The following KIF24 variants were observed in gnomAD, a reference collection of about 807,000 sequenced individuals.
KIF24 encodes the protein kinesin-like protein KIF24.
KIF24 carries 81 observed loss-of-function variants against 118.9 expected under a neutral mutation model. The observed-to-expected ratio is 0.68, with a 90% CI of 0.57 to 0.82. The LOEUF is 0.82. Among genes scored for constraint, KIF24 ranks in the 40% least tolerant of loss-of-function variants. The pLI is 0.00. For missense variants in KIF24, 1,560 were observed against 1,661.6 expected (o/e 0.94, Z 1.06); for synonymous variants, 599 against 610.0 (o/e 0.98, Z 0.27).
Position 34,257,415 on chromosome 9 carries a change from G to A in KIF24, c.2192C>T (p.Ala731Val), listed in dbSNP as rs755149720. 2 of 1,614,060 alleles carry A rather than the reference G, an allele frequency of 1.2e-6. No homozygotes were observed. Among genetic ancestry groups the A allele is most frequent in the Middle Eastern group, 1.6e-4 (1 of 6,062 alleles). Reference protein sequence around the residue: ...ELSFGNAHHRAEYSQDSQRGT... With the variant: ...ELSFGNAHHRVEYSQDSQRGT... ...CCTCTGGCTGTCTTGACTGTACTCA[G>A]CCCTGTGGTGGGCGTTGCCAAAGGA... The change falls in exon 11 of 13, where the codon GCT (alanine) becomes GTT (valine). Residue 731 changes from alanine (A) to valine (V), a missense_variant. Coordinates refer to ENST00000402558, the MANE Select transcript of KIF24 (RefSeq NM_194313.4).
chr9:34,260,552 G>A (rs1563935419), intron 9 of KIF24, among the ~76,000 whole-genome samples: 1 of 152,072 alleles, frequency 6.6e-6, no homozygotes, highest in Non-Finnish European at 1.5e-5. Flanking sequence ...AGCAGTGTGT[G>A]GTTATCACTG....
intron 9 of KIF24, among the ~76,000 whole-genome samples, chr9:34,262,473 C>CA (rs1404232617): frequency 1.3e-5 from 2 of 150,388 alleles, no homozygotes; most frequent in African/African-American, 4.9e-5. Context: ...ATCCCTAACC[C>CA]AAAAATCTGA....
intron 5 of KIF24, among the ~76,000 whole-genome samples, chr9:34,288,442 G>A (rs1052281587): frequency 6.6e-6 from 1 of 151,776 alleles, no homozygotes; most frequent in Non-Finnish European, 1.5e-5. Context: ...GAGCTGTGGT[G>A]GCACCACTGT....
intron 1 of KIF24, among the ~76,000 whole-genome samples, chr9:34,313,532 A>G (rs1336481354): frequency 1.3e-5 from 2 of 151,672 alleles, no homozygotes; most frequent in African/African-American, 2.4e-5. Flanking sequence ...CTTTGGACTC[A>G]AACTTGTAGG....
chr9:34,256,761 CTAT>C lies in KIF24; in HGVS notation c.2843_2845del (p.Tyr948_Arg949delinsTer). 6.2e-7 allele frequency: 1 copy of C among 1,613,990 alleles called. No homozygotes were observed. The highest frequency in any genetic ancestry group is 8.5e-7 in the Non-Finnish European group (1 of 1,179,886). ...GGAAGAGCCTCCACCTCTTTCCTGT[CTAT>C]ATATGAAATCTACCTGTGAACAGTA... On this transcript the variant is annotated stop_gained and inframe_deletion, in exon 11 of 13. Transcript: ENST00000402558. LOFTEE classifies it high-confidence loss of function.
intron 2 of KIF24, among the ~76,000 whole-genome samples, chr9:34,308,654 A>C (rs904006717): frequency 2.6e-5 from 4 of 152,336 alleles, no homozygotes; most frequent in African/African-American, 7.2e-5. Flanking sequence ...CTAATCATAT[A>C]AAGCTGATCA....
chr9:34,271,344 GAAA>G (rs1563941532), intron 7 of KIF24, among the ~76,000 whole-genome samples: 1 of 80,512 alleles, frequency 1.2e-5, no homozygotes, highest in Middle Eastern at 6.4e-3. Flanking sequence ...AAAAAAAAAA[GAAA>G]AAGAAAAGAA....
At chr9:34,313,480 AATTATTATT>A (rs139096969) in intron 1 of KIF24, among the ~76,000 whole-genome samples, 53 of 148,574 alleles carry the variant, frequency 3.6e-4, no homozygotes, top group Admixed American at 2.4e-3. Flanking sequence ...GTTTTTTAGA[AATTATTATT>A]ATTATTATTA....
At position 34,285,319 on chromosome 9, in the gene KIF24, CTTA is replaced by C. The variant is rs148512367; in HGVS notation, c.1215+1295_1215+1297del. Among the ~76,000 whole-genome samples, 83 of 152,258 alleles carry C rather than the reference CTTA, an allele frequency of 5.5e-4. 1 individual carries two copies. The highest frequency in any genetic ancestry group is 9.0e-4 in the Non-Finnish European group (61 of 68,014). On this transcript the variant is annotated intron_variant, in intron 6 of 12. Coordinates refer to ENST00000402558, the MANE Select transcript of KIF24 (RefSeq NM_194313.4). Reference sequence around the variant, plus strand: ...ATTCTGAACTCATGTGATAGTATTACTTATTAAAAATTGTATTTAAAATAAGGG... The same window carrying C: ...ATTCTGAACTCATGTGATAGTATTACTTAAAAATTGTATTTAAAATAAGGG...
intron 2 of KIF24, among the ~76,000 whole-genome samples, 175 bp from the exon 3 acceptor site, chr9:34,306,616 C>G (rs576722303): frequency 2.0e-5 from 3 of 152,108 alleles, no homozygotes; most frequent in Non-Finnish European, 4.4e-5. Context: ...TCCTGGCTAA[C>G]ACGGTGAAAC....
chr9:34,309,756 G>C (rs949418873), intron 2 of KIF24, among the ~76,000 whole-genome samples: 8 of 151,904 alleles, frequency 5.3e-5, no homozygotes, highest in African/African-American at 1.5e-4. Flanking sequence ...AATTATTAAA[G>C]ATATTTTTAC....
intron 8 of KIF24, among the ~76,000 whole-genome samples, chr9:34,265,319 C>T (rs925486642): frequency 1.3e-5 from 2 of 152,018 alleles, no homozygotes; most frequent in Admixed American, 6.6e-5. Flanking sequence ...CAGGTGCGCA[C>T]CACCACACCC....
At chr9:34,281,375 G>A (rs1587934377) in intron 6 of KIF24, among the ~76,000 whole-genome samples, 1 of 152,138 alleles carries the variant, frequency 6.6e-6, no homozygotes, top group African/African-American at 2.4e-5. Context: ...ACTATAGGTA[G>A]TAGAGTATCG....
intron 1 of KIF24, among the ~76,000 whole-genome samples, chr9:34,311,727 C>CGT (rs1563961559): frequency 7.7e-6 from 1 of 129,824 alleles, no homozygotes; most frequent in Non-Finnish European, 1.6e-5. Context: ...TGTATATACA[C>CGT]GTATATATAT....
intron 8 of KIF24, 142 bp downstream of exon 8, chr9:34,269,115 A>C (rs908380940): frequency 2.1e-6 from 1 of 487,418 alleles, no homozygotes; most frequent in African/African-American, 2.0e-5. Context: ...TCAGCCCTCT[A>C]TCTCCAACCC....
chr9:34,288,313 G>A (rs1836126243), intron 5 of KIF24, among the ~76,000 whole-genome samples: 1 of 151,872 alleles, frequency 6.6e-6, no homozygotes, highest in Admixed American at 6.6e-5. Flanking sequence ...AACATAGGGA[G>A]ACCCTGTGTC....
intron 6 of KIF24, among the ~76,000 whole-genome samples, chr9:34,279,928 G>T (rs1381464518): frequency 6.6e-6 from 1 of 152,138 alleles, no homozygotes; most frequent in Non-Finnish European, 1.5e-5. Context: ...GGTATCAATG[G>T]CGATAATATG....
chr9:34,265,375 G>A (rs943526079), intron 8 of KIF24, among the ~76,000 whole-genome samples: 3 of 152,116 alleles, frequency 2.0e-5, no homozygotes, highest in African/African-American at 7.2e-5. Context: ...TCCCTGTGAT[G>A]CCCAGGCTGG....
chr9:34,275,849 T>A (rs74893832), intron 6 of KIF24, among the ~76,000 whole-genome samples: 21,961 of 151,646 alleles, frequency 0.14, 1,962 homozygotes, highest in South Asian at 0.3. Context: ...AAAAAAAAAA[T>A]TATTTGATAG....
Sources: allele counts gnomAD v4.1 joint callset (sites outside exome capture counted in the v4.1 genomes callset), GRCh38; gene constraint gnomAD v4.1.1; transcripts MANE v1.5; gene names NCBI Gene and HGNC (gene_info 2026-07-23, HGNC 2026-07-21).